The following SDHAF3 variants were observed in gnomAD, a reference collection of about 807,000 sequenced individuals.
SDHAF3 encodes the protein succinate dehydrogenase complex assembly factor 3.
Under a neutral mutation model 11.5 loss-of-function variants are expected in SDHAF3, and 18 were observed. The ratio of observed to expected loss-of-function variants is 1.56; its 90% CI spans 1.08 to 2.32. SDHAF3 has a LOEUF of 2.32. Ranked by LOEUF, SDHAF3 falls within the 30% of genes most tolerant of loss-of-function variation. The probability of loss-of-function intolerance (pLI) is 0.00; values close to 1 mark genes in which losing one functional copy is unlikely to be tolerated. For synonymous variants in SDHAF3, 72 were observed against 59.3 expected (o/e 1.21, Z -0.99); for missense variants, 200 against 154.4 (o/e 1.30, Z -1.57).
chr7:97,160,648 C>A (rs1789394472), intron 1 of SDHAF3, among the ~76,000 whole-genome samples: 1 of 152,108 alleles, frequency 6.6e-6, no homozygotes, highest in African/African-American at 2.4e-5. Context: ...GGAAAAGTGT[C>A]CAAATGGAGA....
intron 1 of SDHAF3, among the ~76,000 whole-genome samples, chr7:97,137,248 T>A (rs770959268): frequency 1.4e-4 from 22 of 152,086 alleles, no homozygotes; most frequent in Admixed American, 3.3e-4. Context: ...GGAAATTAAA[T>A]CCTTTCCTTG....
intron 1 of SDHAF3, among the ~76,000 whole-genome samples, chr7:97,141,348 A>G (rs1306342076): frequency 1.3e-5 from 2 of 152,126 alleles, no homozygotes; most frequent in East Asian, 1.9e-4. Context: ...CCCACACCCT[A>G]TTCGTACACT....
intron 1 of SDHAF3, among the ~76,000 whole-genome samples, chr7:97,154,178 G>T (rs986766881): frequency 1.5e-5 from 2 of 137,362 alleles, no homozygotes; most frequent in African/African-American, 5.5e-5. Flanking sequence ...AAGGGTGGGG[G>T]AGATTACAAA....
chr7:97,126,228 G>A (rs1451080284), intron 1 of SDHAF3, among the ~76,000 whole-genome samples: 3 of 152,216 alleles, frequency 2.0e-5, no homozygotes, highest in African/African-American at 7.2e-5. Context: ...TGTATGAGGT[G>A]TCTGTCAACC....
chr7:97,137,491 T>C (rs1013737705), intron 1 of SDHAF3, among the ~76,000 whole-genome samples: 5 of 152,196 alleles, frequency 3.3e-5, no homozygotes, highest in Admixed American at 2.6e-4. Context: ...TTGTTCAAAA[T>C]GTAGGCCTTG....
intron 1 of SDHAF3, among the ~76,000 whole-genome samples, chr7:97,159,676 G>T (rs1451736515): frequency 1.3e-5 from 2 of 152,082 alleles, no homozygotes; most frequent in African/African-American, 2.4e-5. Flanking sequence ...TCTACCAGGA[G>T]TGTGGGCTGA....
intron 1 of SDHAF3, among the ~76,000 whole-genome samples, chr7:97,130,085 C>T (rs1321006846): frequency 6.6e-6 from 1 of 151,966 alleles, no homozygotes; most frequent in African/African-American, 2.4e-5. Context: ...GGGGGCATTA[C>T]AGCATGTGAA....
intron 1 of SDHAF3, among the ~76,000 whole-genome samples, chr7:97,122,015 G>A (rs1266373781): frequency 2.0e-5 from 3 of 151,926 alleles, no homozygotes; most frequent in East Asian, 1.9e-4. Flanking sequence ...CCACCACTGC[G>A]CCCAGCTAAT....
At position 97,173,672 on chromosome 7, in the gene SDHAF3, C is replaced by G. The variant is rs532482958; in HGVS notation, c.175-7340C>G. ...GGTTGATGCCAGTCTCCTGCCTCAG[C>G]CTCCCGAATAGCTGGGACTACAGGC... is the stretch of plus-strand genomic sequence containing the variant. On this transcript the variant is annotated intron_variant, in intron 1 of 1. Coordinates refer to ENST00000432641, the MANE Select transcript of SDHAF3 (RefSeq NM_020186.3). Among the ~76,000 whole-genome samples the G allele has an allele frequency of 1.2e-4, 18 of 151,568 alleles. No individual in the cohort carries two copies. In the East Asian group the frequency reaches 3.5e-3, roughly 30 times the overall value.
At position 97,181,041 on chromosome 7, in the gene SDHAF3, T is replaced by C. The variant is rs1476146237; in HGVS notation, c.204T>C (p.Ala68=). The part of the protein sequence containing the change: ...EVYATALLQQ[A]NENRQNSTGK... ...ATGCAACAGCGTTATTGCAACAGGC[T>C]AACGAAAACAGACAAAATTCAACTG... Residue 68 remains alanine, a synonymous_variant, in exon 2 of 2, where the codon GCT becomes GCC. Transcript: ENST00000432641. 1 of 1,613,962 alleles carries C rather than the reference T, an allele frequency of 6.2e-7. No homozygotes were observed. The highest frequency in any genetic ancestry group is 2.2e-5 in the East Asian group (1 of 44,840).
intron 1 of SDHAF3, among the ~76,000 whole-genome samples, chr7:97,179,727 A>G (rs960731124): frequency 1.4e-5 from 2 of 143,546 alleles, no homozygotes; most frequent in Non-Finnish European, 3.0e-5. Context: ...TACCCCCCCT[A>G]CACACACAAA....
chr7:97,154,728 GTTTTGTT>G (rs891756560), intron 1 of SDHAF3, among the ~76,000 whole-genome samples: 8 of 151,886 alleles, frequency 5.3e-5, no homozygotes, highest in Non-Finnish European at 1.0e-4. Flanking sequence ...ATTTGCTCCT[GTTTTGTT>G]TTTTGTTTTT....
At chr7:97,131,317 A>G (rs1791669569) in intron 1 of SDHAF3, among the ~76,000 whole-genome samples, 1 of 152,222 alleles carries the variant, frequency 6.6e-6, no homozygotes, top group African/African-American at 2.4e-5. Flanking sequence ...CACTTCTAGC[A>G]CAATATCTTG....
chr7:97,160,986 ATATTTT>A (rs1789399569), intron 1 of SDHAF3, among the ~76,000 whole-genome samples: 1 of 152,112 alleles, frequency 6.6e-6, no homozygotes, highest in Admixed American at 6.5e-5. Context: ...TGGACTTAAA[ATATTTT>A]TACTTTTACA....
chr7:97,120,024 T>C (rs1399724417), intron 1 of SDHAF3, among the ~76,000 whole-genome samples: 1 of 152,162 alleles, frequency 6.6e-6, no homozygotes, highest in Non-Finnish European at 1.5e-5. Context: ...CTTACTATTT[T>C]CTCTTTTGAA....
At chr7:97,162,148 T>C (rs1053428728) in intron 1 of SDHAF3, among the ~76,000 whole-genome samples, 2 of 152,252 alleles carry the variant, frequency 1.3e-5, no homozygotes, top group South Asian at 4.1e-4. Flanking sequence ...AGATGGTATC[T>C]CATTGTGGTT....
chr7:97,159,063 C>G (rs527315352), intron 1 of SDHAF3, among the ~76,000 whole-genome samples: 6 of 152,274 alleles, frequency 3.9e-5, no homozygotes, highest in Admixed American at 1.3e-4. Flanking sequence ...AATAAGTTCT[C>G]TATTATTTTC....
intron 1 of SDHAF3, among the ~76,000 whole-genome samples, chr7:97,167,286 C>G (rs1344916088): frequency 1.3e-5 from 2 of 152,132 alleles, no homozygotes; most frequent in Non-Finnish European, 2.9e-5. Flanking sequence ...CCCCTTGGCT[C>G]TCTCTCCTGC....
chr7:97,164,816 T>C (rs1290147144), intron 1 of SDHAF3, among the ~76,000 whole-genome samples: 1 of 152,168 alleles, frequency 6.6e-6, no homozygotes, highest in East Asian at 1.9e-4. Context: ...GGAGGGATGA[T>C]AGACTAACAT....
Sources: allele counts gnomAD v4.1 joint callset (sites outside exome capture counted in the v4.1 genomes callset), GRCh38; gene constraint gnomAD v4.1.1; transcripts MANE v1.5; gene names NCBI Gene and HGNC (gene_info 2026-07-23, HGNC 2026-07-21).